Variants in VAV3 observed in about 807,000 individuals in gnomAD.
VAV3 encodes the protein guanine nucleotide exchange factor VAV3.
VAV3 carries 94 observed loss-of-function variants against 131.2 expected under a neutral mutation model. That is an observed-to-expected ratio of 0.72 (90% CI 0.61 to 0.85). The LOEUF is 0.85. VAV3 is among the 40% of genes least tolerant of loss of function. The pLI is 0.00. For synonymous variants in VAV3, 349 were observed against 342.0 expected (o/e 1.02, Z -0.22); for missense variants, 939 against 1,002.7 (o/e 0.94, Z 0.86).
chr1:107,936,616 G>C (rs970853214), intron 1 of VAV3, among the ~76,000 whole-genome samples: 2 of 152,170 alleles, frequency 1.3e-5, no homozygotes, highest in African/African-American at 4.8e-5. Context: ...AGTGACTCAA[G>C]AATGAGTCAC....
chr1:107,840,311 C>T (rs1293854798), intron 2 of VAV3, among the ~76,000 whole-genome samples: 2 of 152,014 alleles, frequency 1.3e-5, no homozygotes, highest in Non-Finnish European at 2.9e-5. Context: ...ATTTAGGTCA[C>T]TTTTTACTTG....
chr1:107,737,359 T>A (rs1662716745), intron 15 of VAV3, among the ~76,000 whole-genome samples: 1 of 152,002 alleles, frequency 6.6e-6, no homozygotes, highest in South Asian at 2.1e-4. Flanking sequence ...ACAAATGGGA[T>A]CCAATTAAAC....
intron 16 of VAV3, 46 bp from the exon 17 acceptor site, chr1:107,704,696 C>T: frequency 6.7e-7 from 1 of 1,484,032 alleles, no homozygotes; most frequent in Non-Finnish European, 9.4e-7. Flanking sequence ...GTGCAAAATT[C>T]TGCCCATATG....
rs1280791908 is a variant in VAV3 at position 107,772,861 on chromosome 1, A to G, written c.447-18T>C. On this transcript the variant is annotated intron_variant, in intron 4 of 26. Transcript: ENST00000370056. Reference sequence around the variant, plus strand: ...GGGTTTCACTACAACAAAGGATATCATATAAGGTCATTTTCTATTATGCAG... The same window carrying G: ...GGGTTTCACTACAACAAAGGATATCGTATAAGGTCATTTTCTATTATGCAG... 1 of 1,599,384 alleles carries G rather than the reference A, an allele frequency of 6.3e-7. No homozygotes were observed. The highest frequency in any genetic ancestry group is 1.3e-5 in the African/African-American group (1 of 74,694).
chr1:107,773,518 C>T (rs1468201672), intron 4 of VAV3, among the ~76,000 whole-genome samples: 3 of 152,198 alleles, frequency 2.0e-5, no homozygotes, highest in Non-Finnish European at 4.4e-5. Context: ...CAACCAGACC[C>T]TTCCTTTATC....
chr1:107,682,975 T>A lies in VAV3; in HGVS notation c.1777+513A>T, dbSNP rs189154702. ...TGCTAAATAGAAAACAACTGAACGTTTTCTGCAGACAAATAATTGGTCTCC... is the reference window on the plus strand; with the variant it reads ...TGCTAAATAGAAAACAACTGAACGTATTCTGCAGACAAATAATTGGTCTCC... On this transcript the variant is annotated intron_variant, in intron 19 of 26. Coordinates refer to ENST00000370056, the MANE Select transcript of VAV3 (RefSeq NM_006113.5). Among the ~76,000 whole-genome samples, 14 of 152,228 alleles carry A rather than the reference T, an allele frequency of 9.2e-5. No individual in the cohort carries two copies. In the East Asian group the frequency reaches 1.5e-3, roughly 17 times the overall value.
At chr1:107,829,739 T>C (rs1668165374) in intron 2 of VAV3, among the ~76,000 whole-genome samples, 2 of 152,216 alleles carry the variant, frequency 1.3e-5, no homozygotes, top group Admixed American at 1.3e-4. Context: ...CTTCAATTTT[T>C]AAATCTTAAA....
chr1:107,920,230 G>A (rs915594114), intron 1 of VAV3, among the ~76,000 whole-genome samples: 1 of 152,202 alleles, frequency 6.6e-6, no homozygotes, highest in Non-Finnish European at 1.5e-5. Flanking sequence ...AACGGGAACA[G>A]TACTGGCACA....
chr1:107,686,527 G>A (rs1659041173), intron 18 of VAV3, among the ~76,000 whole-genome samples: 1 of 152,060 alleles, frequency 6.6e-6, no homozygotes, highest in Admixed American at 6.6e-5. Flanking sequence ...CCTGGTATAG[G>A]GTGAGAGCTG....
intron 1 of VAV3, among the ~76,000 whole-genome samples, chr1:107,944,850 C>T (rs1674173956): frequency 6.6e-6 from 1 of 152,176 alleles, no homozygotes; most frequent in African/African-American, 2.4e-5. Context: ...TGGCAATCCG[C>T]CCGCCTCGGC....
intron 25 of VAV3, among the ~76,000 whole-genome samples, chr1:107,575,184 G>C (rs979558808): frequency 1.3e-5 from 2 of 152,118 alleles, no homozygotes; most frequent in African/African-American, 4.8e-5. Context: ...GCTCTTTGGG[G>C]TTATAAAGTG....
chr1:107,723,109 C>T (rs1387264592), intron 15 of VAV3, among the ~76,000 whole-genome samples: 1 of 152,150 alleles, frequency 6.6e-6, no homozygotes, highest in Non-Finnish European at 1.5e-5. Flanking sequence ...AACTTGAGGA[C>T]ATCCTCTTAT....
intron 1 of VAV3, among the ~76,000 whole-genome samples, chr1:107,921,847 G>C (rs568656029): frequency 1.3e-5 from 2 of 152,128 alleles, no homozygotes; most frequent in South Asian, 4.1e-4. Flanking sequence ...TAAAAACCAG[G>C]AAAAAAGGTA....
chr1:107,629,685 A>G (rs981292772), intron 20 of VAV3, among the ~76,000 whole-genome samples: 6 of 152,206 alleles, frequency 3.9e-5, no homozygotes, highest in Non-Finnish European at 5.9e-5. Flanking sequence ...CAAAGACTGA[A>G]CAGAGTACAT....
intron 2 of VAV3, among the ~76,000 whole-genome samples, chr1:107,854,496 G>A (rs1669375072): frequency 6.6e-6 from 1 of 152,146 alleles, no homozygotes; most frequent in African/African-American, 2.4e-5. Flanking sequence ...TTATGATTAT[G>A]TTGATGGAAT....
chr1:107,660,255 T>G (rs910943538), intron 19 of VAV3, among the ~76,000 whole-genome samples: 7 of 152,196 alleles, frequency 4.6e-5, no homozygotes, highest in African/African-American at 1.7e-4. Context: ...ACTTTTCGAG[T>G]ACCAGTGGCA....
At chr1:107,592,654 G>C (rs1010536831) in intron 25 of VAV3, among the ~76,000 whole-genome samples, 1 of 151,816 alleles carries the variant, frequency 6.6e-6, no homozygotes, top group African/African-American at 2.4e-5. Context: ...TGCAAACAAA[G>C]GAAAAAACCT....
At chr1:107,847,591 A>G (rs1252982300) in intron 2 of VAV3, among the ~76,000 whole-genome samples, 1 of 152,248 alleles carries the variant, frequency 6.6e-6, no homozygotes, top group Non-Finnish European at 1.5e-5. Context: ...AGGGGATATC[A>G]CCACTGATTC....
intron 18 of VAV3, chr1:107,685,992 T>C (rs1658987002): frequency 9.2e-6 from 1 of 108,310 alleles, no homozygotes; most frequent in African/African-American, 3.7e-5. Flanking sequence ...ACCTTCTCAG[T>C]CTCCTTTGAT....
Sources: allele counts gnomAD v4.1 joint callset (sites outside exome capture counted in the v4.1 genomes callset), GRCh38; gene constraint gnomAD v4.1.1; transcripts MANE v1.5; gene names NCBI Gene and HGNC (gene_info 2026-07-23, HGNC 2026-07-21).